CADPS2: variants seen among roughly 807,000 people sequenced by gnomAD.
CADPS2 encodes calcium-dependent secretion activator 2.
Under a neutral mutation model 172.5 loss-of-function variants are expected in CADPS2, and 93 were observed. That is an observed-to-expected ratio of 0.54 (90% CI 0.46 to 0.64). The LOEUF (loss-of-function observed/expected upper bound fraction) is 0.64. Ranked by LOEUF, CADPS2 falls within the 30% of genes least tolerant of loss-of-function variation. The probability of loss-of-function intolerance (pLI) is 0.00; values close to 1 mark genes in which losing one functional copy is unlikely to be tolerated. For missense variants in CADPS2, 1,420 were observed against 1,565.9 expected (o/e 0.91, Z 1.57); for synonymous variants, 546 against 555.2 (o/e 0.98, Z 0.23).
intron 1 of CADPS2, among the ~76,000 whole-genome samples, chr7:122,752,151 T>C (rs998676047): frequency 1.3e-5 from 2 of 152,208 alleles, no homozygotes; most frequent in Admixed American, 1.3e-4. Flanking sequence ...TAAATATTTT[T>C]GTGCTAAAGT....
intron 2 of CADPS2, among the ~76,000 whole-genome samples, chr7:122,730,993 T>A (rs1053253500): frequency 2.0e-5 from 3 of 150,884 alleles, no homozygotes; most frequent in Non-Finnish European, 4.4e-5. Context: ...ATTGAAAAAT[T>A]TTTTTTTAAT....
chr7:122,823,690 A>T (rs1804043323), intron 1 of CADPS2, among the ~76,000 whole-genome samples: 1 of 152,202 alleles, frequency 6.6e-6, no homozygotes, highest in African/African-American at 2.4e-5. Flanking sequence ...GAATATTTTC[A>T]TTGCAAGTAA....
chr7:122,394,279 T>G lies in CADPS2; in HGVS notation c.2747-697A>C, dbSNP rs558720398. On this transcript the variant is annotated intron_variant, in intron 20 of 29. Coordinates refer to ENST00000449022, the MANE Select transcript of CADPS2 (RefSeq NM_017954.11). ...TGTGCTACAAGGCTGCTGGGCAAGG[T>G]ATACTCACCTTTTTCAGGCGATGAA... Among the ~76,000 whole-genome samples, 45 of 152,294 alleles carry G rather than the reference T, an allele frequency of 3.0e-4. No individual in the cohort carries two copies. The South Asian group carries it at 9.3e-3, about 32-fold the overall frequency.
Position 122,750,279 on chromosome 7 carries a change from T to C in CADPS2, c.340-13211A>G, listed in dbSNP as rs138600538. Among the ~76,000 whole-genome samples, 1,047 of 152,246 alleles carry C rather than the reference T, an allele frequency of 6.9e-3. 18 individuals are homozygous for C. The highest frequency in any genetic ancestry group is 0.025 in the African/African-American group (1,018 of 41,550). On this transcript the variant is annotated intron_variant, in intron 1 of 29. Transcript: ENST00000449022. ...AGGTAAACAATATGTCATTTTTGTGTAATTATTTCATCATCAGTGCAGAAT... is the reference window on the plus strand; with the variant it reads ...AGGTAAACAATATGTCATTTTTGTGCAATTATTTCATCATCAGTGCAGAAT...
At chr7:122,671,086 G>A (rs1299424255) in intron 2 of CADPS2, among the ~76,000 whole-genome samples, 1 of 152,104 alleles carries the variant, frequency 6.6e-6, no homozygotes. Context: ...GCTAGATCCT[G>A]TATCGTACGC....
chr7:122,637,419 C>T (rs1182119192), intron 3 of CADPS2, among the ~76,000 whole-genome samples: 1 of 152,030 alleles, frequency 6.6e-6, no homozygotes, highest in Non-Finnish European at 1.5e-5. Flanking sequence ...ATCCTCTTGC[C>T]TTGGCCTCCC....
intron 1 of CADPS2, among the ~76,000 whole-genome samples, chr7:122,817,704 G>C (rs1363447973): frequency 6.6e-6 from 1 of 151,736 alleles, no homozygotes; most frequent in Admixed American, 6.6e-5. Context: ...CTTTTCTGCG[G>C]GAGGGGCAAG....
chr7:122,332,403 T>A (rs1380546644), intron 28 of CADPS2, among the ~76,000 whole-genome samples: 1 of 151,924 alleles, frequency 6.6e-6, no homozygotes, highest in Non-Finnish European at 1.5e-5. Context: ...TCTTTTTTTT[T>A]TTTTTTTCAA....
chr7:122,538,392 G>A (rs1586975000), intron 8 of CADPS2, among the ~76,000 whole-genome samples: 1 of 134,480 alleles, frequency 7.4e-6, no homozygotes, highest in Admixed American at 7.5e-5. Flanking sequence ...ACAAGGAGAA[G>A]CTTAATTAGT....
chr7:122,758,917 A>G (rs1235823501), intron 1 of CADPS2, among the ~76,000 whole-genome samples: 1 of 152,142 alleles, frequency 6.6e-6, no homozygotes, highest in Non-Finnish European at 1.5e-5. Flanking sequence ...CAAGGTTAAC[A>G]TAATTAAAGC....
intron 1 of CADPS2, among the ~76,000 whole-genome samples, 164 bp downstream of exon 1, chr7:122,885,835 C>A (rs1824216888): frequency 6.6e-6 from 1 of 152,190 alleles, no homozygotes; most frequent in Non-Finnish European, 1.5e-5. Context: ...GCATACCCGG[C>A]GGGTGAAAGC....
chr7:122,389,827 A>T (rs530789607), intron 22 of CADPS2, among the ~76,000 whole-genome samples: 33 of 152,222 alleles, frequency 2.2e-4, no homozygotes, highest in Admixed American at 9.2e-4. Flanking sequence ...TTATTACAAC[A>T]GCACAGGGGA....
At chr7:122,649,662 A>G (rs575971164) in intron 3 of CADPS2, among the ~76,000 whole-genome samples, 1 of 152,102 alleles carries the variant, frequency 6.6e-6, no homozygotes, top group African/African-American at 2.4e-5. Flanking sequence ...AGATGCTGCC[A>G]CCCATGTGCT....
chr7:122,343,535 G>A (rs907942857), intron 28 of CADPS2, among the ~76,000 whole-genome samples: 2 of 152,126 alleles, frequency 1.3e-5, no homozygotes, highest in South Asian at 4.1e-4. Flanking sequence ...TAACTTCAAG[G>A]AGAAAAAACT....
chr7:122,809,534 C>T (rs959524459), intron 1 of CADPS2, among the ~76,000 whole-genome samples: 2 of 149,610 alleles, frequency 1.3e-5, no homozygotes, highest in Admixed American at 6.7e-5. Flanking sequence ...GCGCTGAGAT[C>T]GTGCCATTGC....
rs187823228 is a variant in CADPS2, at chr7:122,525,286, T to A, written c.1476-11971A>T. 5.4e-3 allele frequency among the ~76,000 whole-genome samples: 815 copies of A among 152,320 alleles called. 6 individuals carry two copies. Among genetic ancestry groups the A allele is most frequent in the Admixed American group, 0.011 (163 of 15,290 alleles). ...GGACATTTTAGCAGAGCTCTGAAAT[T>A]TAGTAAACAAACTATGTCTGTCTTT... On this transcript the variant is annotated intron_variant, in intron 8 of 29. Coordinates refer to ENST00000449022, the MANE Select transcript of CADPS2 (RefSeq NM_017954.11).
intron 1 of CADPS2, among the ~76,000 whole-genome samples, chr7:122,870,243 T>C (rs1018278124): frequency 6.6e-6 from 1 of 151,872 alleles, no homozygotes; most frequent in African/African-American, 2.4e-5. Context: ...CACATTCAGA[T>C]TCAAAGTGAA....
intron 1 of CADPS2, among the ~76,000 whole-genome samples, chr7:122,865,856 G>C (rs1314501563): frequency 2.0e-5 from 3 of 152,160 alleles, no homozygotes; most frequent in Non-Finnish European, 2.9e-5. Flanking sequence ...TATTCCAAGT[G>C]GAAGAAAGGG....
intron 3 of CADPS2, among the ~76,000 whole-genome samples, chr7:122,633,242 A>T (rs2076747682): frequency 6.6e-6 from 1 of 152,164 alleles, no homozygotes; most frequent in African/African-American, 2.4e-5. Context: ...TCATGTTGCT[A>T]TTTTGATAGG....
Sources: gnomAD v4.1 joint callset for allele counts (sites outside exome capture counted in the v4.1 genomes callset) on GRCh38, gnomAD v4.1.1 for gene constraint, MANE v1.5 for transcripts, NCBI Gene and HGNC (gene_info 2026-07-23, HGNC 2026-07-21) for gene names.